The following GOLM2 variants were observed in gnomAD, a reference collection of about 807,000 sequenced individuals.
GOLM2 encodes golgi membrane protein 2, also known as protein GOLM2.
In GOLM2, 26 loss-of-function variants were observed where a neutral mutation model predicts 55.9. The observed-to-expected ratio is 0.47, with a 90% CI of 0.34 to 0.65. GOLM2 has a LOEUF of 0.65. Ranked by LOEUF, GOLM2 falls within the 30% of genes least tolerant of loss-of-function variation. The pLI is 0.01. For missense variants in GOLM2, 486 were observed against 531.8 expected (o/e 0.91, Z 0.85); for synonymous variants, 165 against 194.6 (o/e 0.85, Z 1.27).
chr15:44,391,310 C>G (rs777635674), intron 8 of GOLM2, among the ~76,000 whole-genome samples: 4 of 151,682 alleles, frequency 2.6e-5, no homozygotes, highest in South Asian at 2.1e-4. Flanking sequence ...GTCGGGAGAT[C>G]GAGACCATCC....
At chr15:44,344,091 G>A (rs1394374793) in intron 6 of GOLM2, among the ~76,000 whole-genome samples, 1 of 151,156 alleles carries the variant, frequency 6.6e-6, no homozygotes, top group African/African-American at 2.4e-5. Flanking sequence ...GAAACCCTGT[G>A]TCTACAAGAA....
At chr15:44,397,337 G>A (rs1479380386) in intron 8 of GOLM2, among the ~76,000 whole-genome samples, 1 of 151,616 alleles carries the variant, frequency 6.6e-6, no homozygotes, top group African/African-American at 2.4e-5. Flanking sequence ...AAATTAGCCG[G>A]GCTTGGTGGT....
intron 1 of GOLM2, among the ~76,000 whole-genome samples, chr15:44,319,794 G>A (rs1343887328): frequency 6.6e-6 from 1 of 151,872 alleles, no homozygotes; most frequent in Non-Finnish European, 1.5e-5. Context: ...TTGCCATGTT[G>A]CCCAGAGTAG....
chr15:44,339,778 G>A (rs545739413), intron 6 of GOLM2, among the ~76,000 whole-genome samples: 34 of 152,120 alleles, frequency 2.2e-4, no homozygotes, highest in African/African-American at 8.0e-4. Context: ...GAGACTACAG[G>A]TGTGTGCCAT....
At chr15:44,372,237 GTC>G (rs1035440894) in intron 6 of GOLM2, among the ~76,000 whole-genome samples, 10 of 152,162 alleles carry the variant, frequency 6.6e-5, no homozygotes, top group African/African-American at 2.4e-4. Context: ...TGTTCAGTAC[GTC>G]TGTGGTAGTG....
intron 2 of GOLM2, among the ~76,000 whole-genome samples, chr15:44,324,555 A>G (rs977485162): frequency 6.6e-5 from 10 of 152,092 alleles, no homozygotes; most frequent in Non-Finnish European, 1.3e-4. Flanking sequence ...TGAAATTAAT[A>G]TCTGCTATAG....
At chr15:44,408,366 C>G (rs908567327) in intron 9 of GOLM2, among the ~76,000 whole-genome samples, 1 of 152,016 alleles carries the variant, frequency 6.6e-6, no homozygotes, top group Non-Finnish European at 1.5e-5. Context: ...AATATGAACT[C>G]CAGTTAATTT....
chr15:44,411,991 C>T (rs2141222647), intron 9 of GOLM2, among the ~76,000 whole-genome samples: 1 of 152,188 alleles, frequency 6.6e-6, no homozygotes, highest in Admixed American at 6.5e-5. Context: ...AATGGCAAAA[C>T]CCTGTCTTTA....
chr15:44,323,209 C>G (rs1379112743), intron 2 of GOLM2, among the ~76,000 whole-genome samples, 190 bp downstream of exon 2: 2 of 151,882 alleles, frequency 1.3e-5, no homozygotes, highest in Admixed American at 1.3e-4. Context: ...TATGATAAAT[C>G]CAAGTTAAAA....
intron 1 of GOLM2, among the ~76,000 whole-genome samples, chr15:44,303,354 T>A (rs968983108): frequency 6.6e-6 from 1 of 152,206 alleles, no homozygotes; most frequent in Non-Finnish European, 1.5e-5. Context: ...GATGTAAAAC[T>A]ACTGCTTGTC....
At chr15:44,305,915 A>G (rs1388996110) in intron 1 of GOLM2, among the ~76,000 whole-genome samples, 1 of 152,238 alleles carries the variant, frequency 6.6e-6, no homozygotes, top group Non-Finnish European at 1.5e-5. Context: ...GAAAATATTC[A>G]GTAAACCATG....
At chr15:44,352,378 C>T (rs1056102750) in intron 6 of GOLM2, among the ~76,000 whole-genome samples, 9 of 152,026 alleles carry the variant, frequency 5.9e-5, no homozygotes, top group East Asian at 1.9e-4. Flanking sequence ...CACAGAAGAT[C>T]GAAACTAGCT....
At chr15:44,306,779 G>C (rs1379977406) in intron 1 of GOLM2, among the ~76,000 whole-genome samples, 1 of 152,104 alleles carries the variant, frequency 6.6e-6, no homozygotes, top group East Asian at 1.9e-4. Flanking sequence ...AGAGAGATGG[G>C]GGAATGGTTA....
At chr15:44,405,777 C>T (rs1039149776) in intron 9 of GOLM2, among the ~76,000 whole-genome samples, 10 of 152,050 alleles carry the variant, frequency 6.6e-5, no homozygotes, top group Non-Finnish European at 1.5e-4. Context: ...TGCACCACCA[C>T]GTCCAGCTAA....
chr15:44,358,699 ACTC>A (rs1253553461), intron 6 of GOLM2, among the ~76,000 whole-genome samples: 3 of 152,216 alleles, frequency 2.0e-5, no homozygotes, highest in African/African-American at 7.2e-5. Context: ...ACAAAAATTA[ACTC>A]AAAATAGATC....
At chr15:44,392,058 C>G (rs1243489856) in intron 8 of GOLM2, among the ~76,000 whole-genome samples, 3 of 151,856 alleles carry the variant, frequency 2.0e-5, no homozygotes, top group Admixed American at 6.6e-5. Flanking sequence ...CCATGTTGGT[C>G]AGGCTGGTCT....
At chr15:44,359,057 G>A (rs1332503336) in intron 6 of GOLM2, among the ~76,000 whole-genome samples, 1 of 151,980 alleles carries the variant, frequency 6.6e-6, no homozygotes, top group East Asian at 1.9e-4. Context: ...GGCTGAGGCA[G>A]GAGAATGGCG....
intron 7 of GOLM2, 71 bp from the exon 8 acceptor site, chr15:44,380,735 A>T: frequency 1.8e-6 from 2 of 1,140,268 alleles, no homozygotes; most frequent in Middle Eastern, 6.5e-4. Context: ...TCTAAAGCAG[A>T]TCTTGTGAAA....
At chr15:44,383,675 C>CTTTTTTTTTTTTTTT (rs761209421) in intron 8 of GOLM2, among the ~76,000 whole-genome samples, 33 of 125,894 alleles carry the variant, frequency 2.6e-4, no homozygotes, top group African/African-American at 3.9e-4. Context: ...TTCTTTTTTT[C>CTTTTTTTTTTTTTTT]TTTTTTTTTT....
Sources: allele counts gnomAD v4.1 joint callset (sites outside exome capture counted in the v4.1 genomes callset), GRCh38; gene constraint gnomAD v4.1.1; transcripts MANE v1.5; gene names NCBI Gene and HGNC (gene_info 2026-07-23, HGNC 2026-07-21).